The following SUV39H1 variants were observed in gnomAD, a reference collection of about 807,000 sequenced individuals.
The protein encoded by SUV39H1 is SUV39H1 histone lysine methyltransferase, also known as histone-lysine N-methyltransferase SUV39H1.
For missense variants in SUV39H1, 180 were observed against 386.3 expected, an observed-to-expected ratio of 0.47 and a Z score of 4.48; for synonymous variants, 141 against 150.5, an observed-to-expected ratio of 0.94 and a Z score of 0.46.
Position 48,696,819 on chromosome X carries a change from C to A in SUV39H1, c.19+16C>A. The A allele has an allele frequency of 8.9e-7, 1 of 1,120,377 alleles. No individual in the cohort carries two copies. Among genetic ancestry groups the A allele is most frequent in the Non-Finnish European group, 1.2e-6 (1 of 849,946 alleles). 92.3% of individuals were successfully genotyped at this position (1,120,377 alleles called of 1,213,427 possible). A position where few individuals can be genotyped will look rare whatever the true frequency, so the allele number is the denominator to read the frequency against. On this transcript the variant is annotated intron_variant, in intron 1 of 5. Transcript: ENST00000376687. ...AATTTAAAAGGTGAAGCAGTGGAGGCAGAGGCGCGGGCCCGCTGGCCGGGC... is the reference window on the plus strand; with the variant it reads ...AATTTAAAAGGTGAAGCAGTGGAGGAAGAGGCGCGGGCCCGCTGGCCGGGC...
intron 2 of SUV39H1, among the ~76,000 whole-genome samples, chrX:48,699,550 GT>G (rs2062467462): frequency 1.8e-5 from 2 of 111,535 alleles, no homozygotes; most frequent in South Asian, 3.8e-4. Context: ...TTTCCTTGTC[GT>G]AAAAGAGGGA....
Position 48,700,461 on chromosome X carries a change from T to C in SUV39H1, c.536T>C (p.Val179Ala). 2.5e-6 allele frequency: 3 copies of C among 1,212,107 alleles called. No homozygotes were observed. Among genetic ancestry groups the C allele is most frequent in the Non-Finnish European group, 3.3e-6 (3 of 895,546 alleles). Residue 179 changes from valine to alanine, a missense_variant, in exon 3 of 6, where the codon GTG (valine) becomes GCG (alanine). Transcript: ENST00000376687. ...GEGITLNQVA[V>A]GCECQDCLWA... is the part of the protein sequence containing the mutation. The stretch of plus-strand genomic sequence containing the variant: ...GGCATCACCCTCAACCAGGTGGCTG[T>C]GGGCTGCGAGTGCCAGGACTGTCTG...
At chrX:48,699,118 C>A (rs2062465863) in intron 2 of SUV39H1, 71 bp downstream of exon 2, 1 of 1,072,292 alleles carries the variant, frequency 9.3e-7, no homozygotes, top group South Asian at 2.4e-5. Flanking sequence ...CCTCTTGTCC[C>A]CAACTGCCCA....
At chrX:48,699,719 C>T (rs1326754651) in intron 2 of SUV39H1, among the ~76,000 whole-genome samples, 1 of 111,256 alleles carries the variant, frequency 9.0e-6, no homozygotes, top group Non-Finnish European at 1.9e-5. Context: ...GAAGGTGGGG[C>T]CAACGGGATG....
Position 48,699,187 on chromosome X carries a change from C to A in SUV39H1, c.165+140C>A, listed in dbSNP as rs139057592. 1.9e-3 allele frequency: 1,201 copies of A among 634,882 alleles called. 10 individuals are homozygous for A. In the African/African-American group the frequency reaches 0.024, roughly 13 times the overall value. 52.3% of individuals were successfully genotyped at this position (634,882 alleles called of 1,213,427 possible). On this transcript the variant is annotated intron_variant, in intron 2 of 5. Transcript: ENST00000376687. The stretch of plus-strand genomic sequence containing the variant: ...CCTGAAAACACAGGATGAATAGACC[C>A]TTTTATCCCTATGTTACAGATAGGG...
intron 1 of SUV39H1, 28 bp downstream of exon 1, chrX:48,696,831 C>T: frequency 2.7e-6 from 3 of 1,103,889 alleles, no homozygotes; most frequent in East Asian, 4.0e-5. Flanking sequence ...GAGGCGCGGG[C>T]CCGCTGGCCG....
upstream of SUV39H1, among the ~76,000 whole-genome samples, chrX:48,696,306 G>A (rs928375396): frequency 4.4e-5 from 5 of 112,554 alleles, no homozygotes; most frequent in African/African-American, 1.6e-4. Context: ...TGTGGATGGG[G>A]GCCGGGAGTC....
rs1557010371 is a variant in SUV39H1 at position 48,707,616 on chromosome X, C to T, written c.*46C>T. 1.7e-6 allele frequency: 2 copies of T among 1,198,419 alleles called. No homozygotes were observed. The highest frequency in any genetic ancestry group is 1.1e-6 in the Non-Finnish European group (1 of 885,072). On this transcript the variant is annotated 3_prime_UTR_variant, in exon 6 of 6. Coordinates refer to ENST00000376687, the MANE Select transcript of SUV39H1 (RefSeq NM_003173.4). ...GACTGACTGAGGGGGCCTGAAGCTA[C>T]ATGCACCTCCCCCACTGCTGCCCTC...
Position 48,698,414 on chromosome X carries a change from G to A in SUV39H1, c.20-488G>A, listed in dbSNP as rs782193665. Among the ~76,000 whole-genome samples the A allele has an allele frequency of 9.8e-5, 11 of 111,703 alleles. No homozygotes were observed. In the East Asian group the frequency reaches 2.8e-3, roughly 28 times the overall value. On this transcript the variant is annotated intron_variant, in intron 1 of 5. Coordinates refer to ENST00000376687, the MANE Select transcript of SUV39H1 (RefSeq NM_003173.4). ...ATTCCAAAACACATCTGGCCCAGGA[G>A]TTTGAGATAAGGGATTAAAGACCAG...
upstream of SUV39H1, among the ~76,000 whole-genome samples, chrX:48,696,159 T>C (rs1275513673): frequency 8.9e-6 from 1 of 112,516 alleles, no homozygotes; most frequent in Non-Finnish European, 1.9e-5. Context: ...GGAGGACTGA[T>C]TGATCTGCTG....
At chrX:48,698,058 C>T (rs2062462268) in intron 1 of SUV39H1, among the ~76,000 whole-genome samples, 1 of 112,251 alleles carries the variant, frequency 8.9e-6, no homozygotes, top group Non-Finnish European at 1.9e-5. Context: ...GGATTTAAGG[C>T]ACCCAGATTG....
At chrX:48,697,036 A>T (rs1408861534) in intron 1 of SUV39H1, among the ~76,000 whole-genome samples, 1 of 108,752 alleles carries the variant, frequency 9.2e-6, no homozygotes, top group African/African-American at 3.3e-5. Flanking sequence ...GTGGGGACGC[A>T]GGAGGGGGGC....
Position 48,707,116 on chromosome X carries a change from C to A in SUV39H1, c.1106-321C>A, listed in dbSNP as rs968855011. On this transcript the variant is annotated intron_variant, in intron 5 of 5. Coordinates refer to ENST00000376687, the MANE Select transcript of SUV39H1 (RefSeq NM_003173.4). ...CCCTCTATTCCTGCCCCTGCCCCCC[C>A]CCACACACCTAAAACGACCCTCCTG... Among the ~76,000 whole-genome samples the A allele has an allele frequency of 5.8e-4, 63 of 109,326 alleles. 1 individual carries two copies. The highest frequency in any genetic ancestry group is 2.0e-3 in the African/African-American group (60 of 29,976). The allele number at this position is 109,326 out of a possible 115,157, so 94.9% of individuals were successfully genotyped here. A position where few individuals can be genotyped will look rare whatever the true frequency, so the allele number is the denominator to read the frequency against.
At chrX:48,704,277 C>G (rs1264870616) in intron 3 of SUV39H1, among the ~76,000 whole-genome samples, 1 of 111,771 alleles carries the variant, frequency 8.9e-6, no homozygotes, top group East Asian at 2.8e-4. Flanking sequence ...CAGTATGACT[C>G]ACTCCTGGTG....
In SUV39H1 at chrX:48,697,639, C is replaced by T. The variant is rs1349267160; in HGVS notation, c.19+836C>T. 1.1e-4 allele frequency among the ~76,000 whole-genome samples: 12 copies of T among 111,454 alleles called. 1 individual carries two copies. The highest frequency in any genetic ancestry group is 2.9e-4 in the African/African-American group (9 of 30,605). On this transcript the variant is annotated intron_variant, in intron 1 of 5. Transcript: ENST00000376687. ...AAGTAGGGGGGGTAGGGCTTGCACACGAAATAATTTTGAAAAGCTCTTGTA... is the reference window on the plus strand; with the variant it reads ...AAGTAGGGGGGGTAGGGCTTGCACATGAAATAATTTTGAAAAGCTCTTGTA...
At chrX:48,699,842 A>C (rs1287839564) in intron 2 of SUV39H1, among the ~76,000 whole-genome samples, 4 of 111,259 alleles carry the variant, frequency 3.6e-5, no homozygotes, top group African/African-American at 1.3e-4. Context: ...GACCAAGGAG[A>C]GGAGTGGGTT....
chrX:48,697,953 A>G (rs1165285580), intron 1 of SUV39H1, among the ~76,000 whole-genome samples: 1 of 112,523 alleles, frequency 8.9e-6, no homozygotes, highest in Admixed American at 9.4e-5. Context: ...CTTTGCGTAT[A>G]AATTCAGAGC....
chrX:48,707,335 C>G, intron 5 of SUV39H1, 102 bp from the exon 6 acceptor site: 1 of 917,309 alleles, frequency 1.1e-6, no homozygotes, highest in East Asian at 3.4e-5. Flanking sequence ...TCCAGGCCTT[C>G]TAACAAGTCC....
intron 1 of SUV39H1, among the ~76,000 whole-genome samples, chrX:48,697,266 G>A (rs2147271802): frequency 8.9e-6 from 1 of 112,034 alleles, no homozygotes; most frequent in East Asian, 2.9e-4. Flanking sequence ...CGGCGTGATG[G>A]GGGAAGGGTT....
Sources: gnomAD v4.1 joint callset for allele counts (sites outside exome capture counted in the v4.1 genomes callset) on GRCh38, gnomAD v4.1.1 for gene constraint, MANE v1.5 for transcripts, NCBI Gene and HGNC (gene_info 2026-07-23, HGNC 2026-07-21) for gene names.